KYNU: variants seen among roughly 807,000 people sequenced by gnomAD.
KYNU encodes L-kynurenine hydrolase.
In KYNU, 54 loss-of-function variants were observed where a neutral mutation model predicts 59.2. The ratio of observed to expected loss-of-function variants is 0.91; its 90% CI spans 0.73 to 1.14. KYNU has a LOEUF of 1.14. KYNU is among the 50% of genes most tolerant of loss of function. The pLI is 0.00. For synonymous variants in KYNU, 177 were observed against 192.0 expected, an observed-to-expected ratio of 0.92 and a Z score of 0.65; for missense variants, 567 against 554.4, an observed-to-expected ratio of 1.02 and a Z score of -0.23.
chr2:143,019,605 C>T (rs1686352089), intron 10 of KYNU, among the ~76,000 whole-genome samples: 2 of 152,030 alleles, frequency 1.3e-5, no homozygotes, highest in African/African-American at 4.8e-5. Flanking sequence ...GGATATTGCC[C>T]AGTAGTTTTC....
intron 5 of KYNU, among the ~76,000 whole-genome samples, chr2:142,955,074 A>G (rs1370176991): frequency 6.6e-6 from 1 of 152,086 alleles, no homozygotes; most frequent in African/African-American, 2.4e-5. Flanking sequence ...GAAGAGCTTT[A>G]GAATAATGAA....
At chr2:142,890,241 A>T (rs1490588127) in intron 2 of KYNU, among the ~76,000 whole-genome samples, 1 of 152,170 alleles carries the variant, frequency 6.6e-6, no homozygotes. Context: ...ATGTGGAAAG[A>T]TATCTTTCTA....
At chr2:142,968,095 GT>G (rs1451043597) in intron 8 of KYNU, among the ~76,000 whole-genome samples, 5 of 152,292 alleles carry the variant, frequency 3.3e-5, no homozygotes, top group Middle Eastern at 3.4e-3. Flanking sequence ...GGATCTTAGT[GT>G]ATAAGAAGAA....
intron 10 of KYNU, among the ~76,000 whole-genome samples, chr2:143,013,053 A>C (rs1486705727): frequency 1.3e-5 from 2 of 152,056 alleles, no homozygotes; most frequent in African/African-American, 4.8e-5. Context: ...GGCTATTCAT[A>C]GGTGCTATCA....
intron 8 of KYNU, among the ~76,000 whole-genome samples, chr2:142,970,585 A>C (rs934974636): frequency 3.9e-5 from 6 of 152,156 alleles, no homozygotes; most frequent in Admixed American, 3.3e-4. Flanking sequence ...TAAGACTAGT[A>C]GGTAAATTGA....
At chr2:142,881,214 T>C (rs1371292710) in intron 1 of KYNU, 1 of 152,210 alleles carries the variant, frequency 6.6e-6, no homozygotes, top group Non-Finnish European at 1.5e-5. Flanking sequence ...TATGGTCAGA[T>C]ATTGAAAGCA....
chr2:142,930,745 G>C (rs1459684297), intron 4 of KYNU, among the ~76,000 whole-genome samples: 1 of 152,098 alleles, frequency 6.6e-6, no homozygotes, highest in Non-Finnish European at 1.5e-5. Flanking sequence ...CTAATTTGTA[G>C]GCCTATCCCC....
intron 2 of KYNU, among the ~76,000 whole-genome samples, chr2:142,893,785 A>G (rs1056561257): frequency 6.6e-6 from 1 of 152,112 alleles, no homozygotes; most frequent in Non-Finnish European, 1.5e-5. Context: ...ATATTCTAAG[A>G]TAATGCAAAT....
chr2:143,029,491 C>G, intron 10 of KYNU, 136 bp from the exon 11 acceptor site: 2 of 678,112 alleles, frequency 2.9e-6, no homozygotes, highest in Non-Finnish European at 5.4e-6. Flanking sequence ...GAGGCTAAGG[C>G]ACAAGAATCG....
intron 4 of KYNU, among the ~76,000 whole-genome samples, chr2:142,939,616 A>AAAG (rs1445441183): frequency 7.3e-5 from 11 of 150,506 alleles, no homozygotes; most frequent in African/African-American, 2.7e-4. Flanking sequence ...AAAAAAAAAA[A>AAAG]AAAAAAGAAA....
chr2:142,916,022 CAG>C (rs1489197646), intron 2 of KYNU, among the ~76,000 whole-genome samples: 1 of 152,016 alleles, frequency 6.6e-6, no homozygotes, highest in Non-Finnish European at 1.5e-5. Flanking sequence ...GTAAGCCAAG[CAG>C]AGAGGCCTAG....
chr2:142,961,014 G>A (rs990533296), intron 8 of KYNU, among the ~76,000 whole-genome samples: 6 of 151,826 alleles, frequency 4.0e-5, no homozygotes, highest in Admixed American at 1.3e-4. Flanking sequence ...CAAAAATGGC[G>A]AAACCCCATC....
intron 7 of KYNU, 112 bp from the exon 8 acceptor site, chr2:142,960,512 A>T (rs1684306086): frequency 1.0e-6 from 1 of 953,830 alleles, no homozygotes; most frequent in Non-Finnish European, 1.5e-6. Flanking sequence ...TAATCTGAAA[A>T]AAAAAACTAT....
chr2:142,902,701 G>A lies in KYNU; in HGVS notation c.170-15908G>A, dbSNP rs13401468. On this transcript the variant is annotated intron_variant, in intron 2 of 13. Coordinates refer to ENST00000264170, the MANE Select transcript of KYNU (RefSeq NM_003937.3). ...ACAAGTGGTGAGGAAGTTTAAAAGC[G>A]CTTGGGTGGCTTGATGGCACAAGGT... 3.1e-3 allele frequency among the ~76,000 whole-genome samples: 471 copies of A among 152,312 alleles called. 3 individuals carry two copies. The highest frequency in any genetic ancestry group is 0.01 in the Middle Eastern group (3 of 292).
At chr2:142,947,021 C>T in intron 4 of KYNU, 2 of 1,542,338 alleles carry the variant, frequency 1.3e-6, no homozygotes, top group Non-Finnish European at 8.8e-7. Context: ...TCATGGTACC[C>T]TTTTGTGGGC....
intron 1 of KYNU, among the ~76,000 whole-genome samples, chr2:142,884,832 T>C (rs1573746727): frequency 6.8e-6 from 1 of 147,366 alleles, no homozygotes; most frequent in Non-Finnish European, 1.5e-5. Context: ...TCAGCCTCCC[T>C]AGTAGCTGGG....
intron 10 of KYNU, 28 bp downstream of exon 10, chr2:142,986,049 GGTGA>G: frequency 1.3e-6 from 2 of 1,496,950 alleles, no homozygotes; most frequent in Non-Finnish European, 1.9e-6. Context: ...CTAATTCTTT[GGTGA>G]TGAACAAATT....
At chr2:142,933,713 G>A (rs571292524) in intron 4 of KYNU, among the ~76,000 whole-genome samples, 3 of 152,192 alleles carry the variant, frequency 2.0e-5, no homozygotes, top group Non-Finnish European at 2.9e-5. Context: ...TTTTTGAGAG[G>A]GGCTACACAG....
At chr2:142,988,296 CT>C (rs1156788719) in intron 10 of KYNU, among the ~76,000 whole-genome samples, 1 of 151,942 alleles carries the variant, frequency 6.6e-6, no homozygotes, top group Non-Finnish European at 1.5e-5. Context: ...AACATGTAGA[CT>C]TTGCCCAGTG....
Sources: gnomAD v4.1 joint callset for allele counts (sites outside exome capture counted in the v4.1 genomes callset) on GRCh38, gnomAD v4.1.1 for gene constraint, MANE v1.5 for transcripts, NCBI Gene and HGNC (gene_info 2026-07-23, HGNC 2026-07-21) for gene names.